TRIM11: variants seen among roughly 807,000 people sequenced by gnomAD.
The protein encoded by TRIM11 is tripartite motif containing 11.
TRIM11 carries 15 observed loss-of-function variants against 33.4 expected under a neutral mutation model. The observed-to-expected ratio is 0.45, with a 90% CI of 0.30 to 0.69. TRIM11 has a LOEUF of 0.69. Among genes scored for constraint, TRIM11 ranks in the 30% least tolerant of loss-of-function variants. The pLI is 0.08. For synonymous variants in TRIM11, 281 were observed against 302.6 expected (o/e 0.93, Z 0.74); for missense variants, 499 against 667.6 (o/e 0.75, Z 2.78).
chr1:228,405,935 G>C (rs967852541), intron 1 of TRIM11: 1 of 440,736 alleles, frequency 2.3e-6, no homozygotes, highest in Non-Finnish European at 3.8e-6. Flanking sequence ...CATGGTCCCA[G>C]CCTCAAGGGG....
At position 228,401,175 on chromosome 1, in the gene TRIM11, C is replaced by T. The variant is rs767982900; in HGVS notation, c.524G>A (p.Arg175Gln). 20 of 1,613,170 alleles carry T rather than the reference C, an allele frequency of 1.2e-5. No individual in the cohort carries two copies. Among genetic ancestry groups the T allele is most frequent in the East Asian group, 6.7e-5 (3 of 44,880 alleles). The change falls in exon 3 of 6, where the codon CGG becomes CAG. Residue 175 changes from arginine to glutamine, a missense_variant. Coordinates refer to ENST00000284551, the MANE Select transcript of TRIM11 (RefSeq NM_145214.3). The surrounding 1 kb of genome is among the most constrained non-coding windows in gnomAD (Gnocchi z 6.1). Reference protein sequence around the residue: ...VLWQKMVESQRQNVLGEFERL... With the variant: ...VLWQKMVESQQQNVLGEFERL... Reference sequence around the variant, plus strand: ...CTCGAACTCACCCAGCACGTTCTGCCGCTGGCTCTCCACCATCTTCTGTGG... The same window carrying T: ...CTCGAACTCACCCAGCACGTTCTGCTGCTGGCTCTCCACCATCTTCTGTGG...
Position 228,403,176 on chromosome 1 carries a change from G to A in TRIM11, c.409-1015C>T, listed in dbSNP as rs529335007. 3 of 152,332 alleles carry A rather than the reference G, an allele frequency of 2.0e-5. No homozygotes were observed. The highest frequency in any genetic ancestry group is 2.1e-4 in the South Asian group (1 of 4,814). 9.4% of individuals were successfully genotyped at this position (152,332 alleles called of 1,614,324 possible). ...TTGGGGTGCCCTGAACCCACTTCTC[G>A]AAGGGTCTGCTCACTTCCACCCCAT... On this transcript the variant is annotated intron_variant, in intron 1 of 5. Coordinates refer to ENST00000284551, the MANE Select transcript of TRIM11 (RefSeq NM_145214.3). This position sits in a 1 kb window ranked among gnomAD's most constrained non-coding sequence, Gnocchi z 4.8.
In TRIM11 at chr1:228,397,069, T is replaced by C. The variant is rs201351968; in HGVS notation, c.759-22A>G. The C allele has an allele frequency of 3.9e-5, 63 of 1,613,740 alleles. No individual in the cohort carries two copies. In the East Asian group the frequency reaches 4.7e-4, roughly 12 times the overall value. On this transcript the variant is annotated intron_variant, in intron 4 of 5. Transcript: ENST00000284551. The stretch of plus-strand genomic sequence containing the variant: ...GACCCTAGAGGGGACAACCCAGGTG[T>C]TGTCGCCATGGCCAACAGCTGGGTC...
intron 3 of TRIM11, among the ~76,000 whole-genome samples, chr1:228,398,386 G>A (rs768847371): frequency 3.5e-4 from 53 of 152,172 alleles, no homozygotes; most frequent in Non-Finnish European, 1.9e-4. Context: ...GGGAGGCCAA[G>A]GCAGGCAGAT....
chr1:228,403,237 C>CA lies in TRIM11; in HGVS notation c.409-1077dup, dbSNP rs1656292696. The CA allele has an allele frequency of 6.6e-6, 1 of 152,382 alleles. No homozygotes were observed. Among genetic ancestry groups the CA allele is most frequent in the Non-Finnish European group, 1.5e-5 (1 of 68,214 alleles). The allele number at this position is 152,382 out of a possible 1,614,324, so 9.4% of individuals were successfully genotyped here. A position where few individuals can be genotyped will look rare whatever the true frequency, so the allele number is the denominator to read the frequency against. On this transcript the variant is annotated intron_variant, in intron 1 of 5. Coordinates refer to ENST00000284551, the MANE Select transcript of TRIM11 (RefSeq NM_145214.3). This position sits in a 1 kb window ranked among gnomAD's most constrained non-coding sequence, Gnocchi z 4.8. ...TATCAGCAACGGGCCCTGTGCTGGC[C>CA]ACACCTCTTTGCTTCTCAGCCACCC...
Position 228,406,726 on chromosome 1 carries a change from TC to T in TRIM11, c.-166del. 1.7e-6 allele frequency: 1 copy of T among 580,270 alleles called. No homozygotes were observed. The highest frequency in any genetic ancestry group is 2.6e-6 in the Non-Finnish European group (1 of 391,020). The allele number at this position is 580,270 out of a possible 1,614,324, so 35.9% of individuals were successfully genotyped here. A position where few individuals can be genotyped will look rare whatever the true frequency, so the allele number is the denominator to read the frequency against. On this transcript the variant is annotated 5_prime_UTR_variant, in exon 1 of 6. Coordinates refer to ENST00000284551, the MANE Select transcript of TRIM11 (RefSeq NM_145214.3). This position sits in a 1 kb window ranked among gnomAD's most constrained non-coding sequence, Gnocchi z 8.2. The stretch of plus-strand genomic sequence containing the variant: ...TGCTCGGGCTCCGGGGCGCGGGGAC[TC>T]CAGGGCGCAGGACTCTGGGTTTCGG...
chr1:228,406,598 G>A lies in TRIM11; in HGVS notation c.-37C>T. On this transcript the variant is annotated 5_prime_UTR_variant, in exon 1 of 6. Transcript: ENST00000284551. This position sits in a 1 kb window ranked among gnomAD's most constrained non-coding sequence, Gnocchi z 8.2. ...AGGGGAGGAAGGCGGTACTGTCCGC[G>A]GGGCGGCGGCGGGCGGCCTCGGCAG... 1.4e-6 allele frequency: 2 copies of A among 1,404,722 alleles called. No individual in the cohort carries two copies. Among genetic ancestry groups the A allele is most frequent in the Non-Finnish European group, 1.9e-6 (2 of 1,079,746 alleles). 87.0% of individuals were successfully genotyped at this position (1,404,722 alleles called of 1,614,324 possible).
chr1:228,405,959 G>C (rs1574089414), intron 1 of TRIM11, 195 bp downstream of exon 1: 1 of 536,536 alleles, frequency 1.9e-6, no homozygotes, highest in East Asian at 3.5e-5. Context: ...GGTTGAAACA[G>C]GCTGTGTCAT....
intron 3 of TRIM11, among the ~76,000 whole-genome samples, chr1:228,398,307 A>T (rs1420753275): frequency 5.3e-5 from 8 of 152,184 alleles, no homozygotes; most frequent in African/African-American, 1.9e-4. Context: ...ACGGGTAGTT[A>T]ATTCTGTCTA....
In TRIM11 at chr1:228,406,043, TAGACAG is replaced by T; in HGVS notation, c.408+105_408+110del. ...AGGCTGCATCCTGAGCTCCCCGCCC[TAGACAG>T]AGACAGATTACTCCCGGAGCAGTCC... On this transcript the variant is annotated intron_variant, in intron 1 of 5. Transcript: ENST00000284551. This position sits in a 1 kb window ranked among gnomAD's most constrained non-coding sequence, Gnocchi z 8.2. 8.1e-7 allele frequency: 1 copy of T among 1,233,404 alleles called. No homozygotes were observed. Among genetic ancestry groups the T allele is most frequent in the Non-Finnish European group, 1.0e-6 (1 of 962,714 alleles). The allele number at this position is 1,233,404 out of a possible 1,614,324, so 76.4% of individuals were successfully genotyped here.
intron 3 of TRIM11, chr1:228,397,465 A>T: frequency 2.3e-6 from 1 of 435,142 alleles, no homozygotes; most frequent in Non-Finnish European, 4.1e-6. Context: ...TGGCTCACTC[A>T]CCCAGAGCCC....
At position 228,402,106 on chromosome 1, in the gene TRIM11, A is replaced by G; in HGVS notation, c.464T>C (p.Leu155Pro). 1 of 1,613,346 alleles carries G rather than the reference A, an allele frequency of 6.2e-7. No homozygotes were observed. The highest frequency in any genetic ancestry group is 8.5e-7 in the Non-Finnish European group (1 of 1,179,624). ...GGTCTCATCCGCCTGGGCTTGGAAC[A>G]GCAACGCATCCTGCATCTGCTTCCG... Reference protein sequence around the residue: ...HLRKQMQDALLFQAQADETCV... With the variant: ...HLRKQMQDALPFQAQADETCV... Residue 155 changes from leucine (L) to proline (P), a missense_variant, in exon 2 of 6, where the codon CTG becomes CCG. By Grantham distance (98) the Leu-to-Pro change is moderately conservative. Coordinates refer to ENST00000284551, the MANE Select transcript of TRIM11 (RefSeq NM_145214.3).
chr1:228,405,485 G>A (rs984226706), intron 1 of TRIM11: 1 of 152,292 alleles, frequency 6.6e-6, no homozygotes, highest in Non-Finnish European at 1.5e-5. Context: ...GGGAGCGCAG[G>A]CCAGGGAACG....
At chr1:228,398,871 G>A (rs764001455) in intron 3 of TRIM11, among the ~76,000 whole-genome samples, 3 of 152,068 alleles carry the variant, frequency 2.0e-5, no homozygotes, top group Admixed American at 6.5e-5. Flanking sequence ...GTGCAGGGGC[G>A]GCAGGAGAAG....
Position 228,406,083 on chromosome 1 carries a change from T to TCCCCCC in TRIM11, c.408+70_408+71insGGGGGG. On this transcript the variant is annotated intron_variant, in intron 1 of 5. Coordinates refer to ENST00000284551, the MANE Select transcript of TRIM11 (RefSeq NM_145214.3). This position sits in a 1 kb window ranked among gnomAD's most constrained non-coding sequence, Gnocchi z 8.2. ...TACTCCCGGAGCAGTCCCCCAAACC[T>TCCCCCC]CCCACCCGCCCAGGCCTCCCCAGTC... The TCCCCCC allele has an allele frequency of 1.1e-6, 1 of 917,886 alleles. No individual in the cohort carries two copies. Among genetic ancestry groups the TCCCCCC allele is most frequent in the Non-Finnish European group, 1.5e-6 (1 of 683,112 alleles). The allele number at this position is 917,886 out of a possible 1,614,324, so 56.9% of individuals were successfully genotyped here. A position where few individuals can be genotyped will look rare whatever the true frequency, so the allele number is the denominator to read the frequency against.
At position 228,395,233 on chromosome 1, in the gene TRIM11, C is replaced by T. The variant is rs143071022; in HGVS notation, c.879G>A (p.Pro293=). The change falls in exon 6 of 6, where the codon CCG becomes CCA. Residue 293 remains proline, a synonymous_variant. Transcript: ENST00000284551. The surrounding 1 kb of genome is among the most constrained non-coding windows in gnomAD (Gnocchi z 4.8). ...GGATCAGCTCAGGGTTGGCGGTGTCCGGGTCCAAGGTCACGTCCCCTGCAG... is the reference window on the plus strand; with the variant it reads ...GGATCAGCTCAGGGTTGGCGGTGTCTGGGTCCAAGGTCACGTCCCCTGCAG... ...RRFRGDVTLD[P]DTANPELILS... is the part of the protein sequence containing the mutation. 160 of 1,472,408 alleles carry T rather than the reference C, an allele frequency of 1.1e-4. 1 individual carries two copies. The African/African-American group carries it at 1.9e-3, about 17-fold the overall frequency. The allele number at this position is 1,472,408 out of a possible 1,614,324, so 91.2% of individuals were successfully genotyped here.
chr1:228,394,276 C>G lies in TRIM11; in HGVS notation c.*429G>C, dbSNP rs1276880899. On this transcript the variant is annotated 3_prime_UTR_variant, in exon 6 of 6. Transcript: ENST00000284551. This position sits in a 1 kb window ranked among gnomAD's most constrained non-coding sequence, Gnocchi z 6.2. ...GGCATGGGGCTGGCTCCCATCCCAG[C>G]TGCCTCCCCCAGCATCTTCAGAGGT... 1 of 168,986 alleles carries G rather than the reference C, an allele frequency of 5.9e-6. No homozygotes were observed. The highest frequency in any genetic ancestry group is 2.4e-5 in the African/African-American group (1 of 42,082). The allele number at this position is 168,986 out of a possible 1,614,324, so 10.5% of individuals were successfully genotyped here. A position where few individuals can be genotyped will look rare whatever the true frequency, so the allele number is the denominator to read the frequency against.
chr1:228,399,913 A>G (rs1182161738), intron 3 of TRIM11, among the ~76,000 whole-genome samples: 1 of 151,774 alleles, frequency 6.6e-6, no homozygotes, highest in Non-Finnish European at 1.5e-5. Context: ...AACAAAAAAC[A>G]AAAAAACAGA....
rs1382369667 is a variant in TRIM11 at position 228,393,965 on chromosome 1, C to T, written c.*740G>A. The T allele has an allele frequency of 1.3e-5, 2 of 152,276 alleles. No homozygotes were observed. The highest frequency in any genetic ancestry group is 6.5e-5 in the Admixed American group (1 of 15,286). 9.4% of individuals were successfully genotyped at this position (152,276 alleles called of 1,614,324 possible). A position where few individuals can be genotyped will look rare whatever the true frequency, so the allele number is the denominator to read the frequency against. ...TAGGAAGCCTTTGCAAGGGCAAAAC[C>T]CAATGGCAACATGCCCACGAAAGCT... On this transcript the variant is annotated 3_prime_UTR_variant, in exon 6 of 6. Coordinates refer to ENST00000284551, the MANE Select transcript of TRIM11 (RefSeq NM_145214.3).
Sources: gnomAD v4.1 joint callset for allele counts (sites outside exome capture counted in the v4.1 genomes callset) on GRCh38, gnomAD v4.1.1 for gene constraint, Gnocchi (gnomAD v3.1) non-coding constraint, MANE v1.5 for transcripts, NCBI Gene and HGNC (gene_info 2026-07-23, HGNC 2026-07-21) for gene names.